Variants in SCFD1 observed in about 807,000 individuals in gnomAD.
SCFD1 encodes the protein sec1 family domain containing 1, also known as sec1 family domain-containing protein 1.
SCFD1 carries 37 observed loss-of-function variants against 103.2 expected under a neutral mutation model. That is an observed-to-expected ratio of 0.36 (90% CI 0.28 to 0.47). The LOEUF (loss-of-function observed/expected upper bound fraction) is 0.47, where lower values mean the gene tolerates loss of function less well. Among genes scored for constraint, SCFD1 ranks in the 20% least tolerant of loss-of-function variants. SCFD1 has a pLI of 1.00. For missense variants in SCFD1, 639 were observed against 761.2 expected (o/e 0.84, Z 1.89); for synonymous variants, 264 against 245.0 (o/e 1.08, Z -0.73).
In SCFD1 at chr14:30,721,993, C is replaced by G. The variant is rs550746312; in HGVS notation, c.1770+76C>G. ...GACCAATCTTGAAGACTGTCTGTAC[C>G]AAACATGGCTTTATGATGATTAGTG... On this transcript the variant is annotated intron_variant, in intron 22 of 24. Transcript: ENST00000458591. 1.1e-5 allele frequency: 11 copies of G among 1,040,810 alleles called. No individual in the cohort carries two copies. The African/African-American group carries it at 1.5e-4, about 14-fold the overall frequency. 64.5% of individuals were successfully genotyped at this position (1,040,810 alleles called of 1,614,324 possible).
intron 23 of SCFD1, among the ~76,000 whole-genome samples, chr14:30,729,447 A>G (rs1893286976): frequency 6.6e-6 from 1 of 152,188 alleles, no homozygotes; most frequent in Admixed American, 6.5e-5. Context: ...TGTTGAAAAG[A>G]CTATTCTTTC....
At chr14:30,729,503 G>A (rs1255365136) in intron 23 of SCFD1, among the ~76,000 whole-genome samples, 7 of 152,176 alleles carry the variant, frequency 4.6e-5, no homozygotes, top group Non-Finnish European at 8.8e-5. Context: ...ATCACTTGAT[G>A]TGTATGGGTT....
intron 10 of SCFD1, among the ~76,000 whole-genome samples, chr14:30,660,416 T>G (rs564097389): frequency 6.6e-6 from 1 of 152,302 alleles, no homozygotes; most frequent in East Asian, 1.9e-4. Context: ...AATGTCTGTT[T>G]GTCCTAATGT....
chr14:30,665,199 A>G (rs1045182860), intron 10 of SCFD1, among the ~76,000 whole-genome samples: 20 of 152,374 alleles, frequency 1.3e-4, no homozygotes, highest in South Asian at 4.1e-4. Context: ...ATCTCTCAGC[A>G]GAAACTGTAC....
At chr14:30,720,308 C>T (rs985142690) in intron 21 of SCFD1, among the ~76,000 whole-genome samples, 1 of 152,050 alleles carries the variant, frequency 6.6e-6, no homozygotes, top group African/African-American at 2.4e-5. Context: ...CTAATGGGTA[C>T]AGGACTTCTT....
chr14:30,658,194 C>T (rs1887092478), intron 10 of SCFD1: 3 of 436,912 alleles, frequency 6.9e-6, no homozygotes, highest in African/African-American at 6.2e-5. Context: ...ATCTTAGGTT[C>T]TCTTTTTGTA....
chr14:30,637,599 G>A (rs187947466), intron 4 of SCFD1, among the ~76,000 whole-genome samples: 5 of 152,152 alleles, frequency 3.3e-5, no homozygotes, highest in Middle Eastern at 3.4e-3. Flanking sequence ...TGGTTATTTC[G>A]ATATCTATTT....
intron 11 of SCFD1, among the ~76,000 whole-genome samples, chr14:30,671,600 C>T (rs988962432): frequency 2.0e-5 from 3 of 152,078 alleles, no homozygotes; most frequent in Non-Finnish European, 4.4e-5. Context: ...ATTTTAACCT[C>T]CTATTCATTA....
rs745605462 is a variant in SCFD1 at position 30,634,048 on chromosome 14, T to G, written c.312+11T>G. The G allele has an allele frequency of 4.1e-6, 6 of 1,464,202 alleles. No homozygotes were observed. The African/African-American group carries it at 8.6e-5, about 21-fold the overall frequency. 90.7% of individuals were successfully genotyped at this position (1,464,202 alleles called of 1,614,324 possible). ...GACAGAATGTGCCAGGTAATATGGG[T>G]TCTTATTTTCTGGACTCCTGAATTT... On this transcript the variant is annotated intron_variant, in intron 4 of 24. Coordinates refer to ENST00000458591, the MANE Select transcript of SCFD1 (RefSeq NM_016106.4).
intron 14 of SCFD1, chr14:30,683,423 T>C (rs1465681826): frequency 5.8e-6 from 3 of 519,806 alleles, no homozygotes; most frequent in Non-Finnish European, 1.1e-5. Context: ...CCCCTACCCA[T>C]GTGAAAAGGT....
intron 18 of SCFD1, among the ~76,000 whole-genome samples, chr14:30,706,378 G>A (rs1891471014): frequency 6.6e-6 from 1 of 152,020 alleles, no homozygotes. Context: ...TTAATAGTGG[G>A]TAATTCCAAG....
intron 10 of SCFD1, 171 bp from the exon 11 acceptor site, chr14:30,670,085 T>G: frequency 1.8e-6 from 1 of 564,980 alleles, no homozygotes. Context: ...ATCTAATACT[T>G]TCATTAAAAT....
At position 30,650,594 on chromosome 14, in the gene SCFD1, A is replaced by C. The variant is rs536890077; in HGVS notation, c.699A>C (p.Leu233=). The part of the protein sequence containing the change: ...VKLDKKLREN[L]RDARNSLFTG... ...TAGACAAGAAACTTCGAGAAAATCTAAGAGATGCAAGAAACAGTCTTTTTA... is the reference window on the plus strand; with the variant it reads ...TAGACAAGAAACTTCGAGAAAATCTCAGAGATGCAAGAAACAGTCTTTTTA... Residue 233 remains leucine (L), a synonymous_variant, in exon 9 of 25, where the codon CTA becomes CTC. Transcript: ENST00000458591. 3.3e-5 allele frequency: 53 copies of C among 1,609,942 alleles called. No homozygotes were observed. In the South Asian group the frequency reaches 5.8e-4, roughly 18 times the overall value.
At chr14:30,719,664 G>A (rs550843714) in intron 21 of SCFD1, among the ~76,000 whole-genome samples, 1 of 152,060 alleles carries the variant, frequency 6.6e-6, no homozygotes, top group African/African-American at 2.4e-5. Context: ...GGGAAATTTC[G>A]ATAACGTGTT....
At chr14:30,630,440 T>G in intron 2 of SCFD1, 37 bp from the exon 3 acceptor site, 1 of 1,163,144 alleles carries the variant, frequency 8.6e-7, no homozygotes, top group Non-Finnish European at 1.3e-6. Flanking sequence ...CTATTGGTTG[T>G]TCACTGATAA....
chr14:30,693,851 C>T (rs1303864298), intron 14 of SCFD1, among the ~76,000 whole-genome samples: 3 of 152,062 alleles, frequency 2.0e-5, no homozygotes, highest in Admixed American at 6.5e-5. Context: ...TTAACACCCT[C>T]AATAGTATCT....
At position 30,714,736 on chromosome 14, in the gene SCFD1, T is replaced by G. The variant is rs534323804; in HGVS notation, c.1630-1188T>G. 2.0e-5 allele frequency among the ~76,000 whole-genome samples: 3 copies of G among 152,324 alleles called. No homozygotes were observed. In the East Asian group the frequency reaches 5.8e-4, roughly 29 times the overall value. ...TTATCTGATCTATAAACAATCAGATTGAATGTTTTTGTTGTATGAAGTCTC... is the reference window on the plus strand; with the variant it reads ...TTATCTGATCTATAAACAATCAGATGGAATGTTTTTGTTGTATGAAGTCTC... On this transcript the variant is annotated intron_variant, in intron 19 of 24. Transcript: ENST00000458591.
chr14:30,723,330 G>A (rs922422478), intron 23 of SCFD1, among the ~76,000 whole-genome samples: 1 of 151,964 alleles, frequency 6.6e-6, no homozygotes, highest in African/African-American at 2.4e-5. Flanking sequence ...TCTTTGCATC[G>A]TGAACCACCA....
intron 8 of SCFD1, among the ~76,000 whole-genome samples, chr14:30,649,812 A>G (rs549847456): frequency 2.0e-5 from 3 of 152,234 alleles, no homozygotes; most frequent in East Asian, 3.9e-4. Flanking sequence ...TTCCAGTCCT[A>G]TTTCTTTTTT....
Sources: gnomAD v4.1 joint callset for allele counts (sites outside exome capture counted in the v4.1 genomes callset) on GRCh38, gnomAD v4.1.1 for gene constraint, MANE v1.5 for transcripts, NCBI Gene and HGNC (gene_info 2026-07-23, HGNC 2026-07-21) for gene names.